Variants in ZNF713 observed in about 807,000 individuals in gnomAD.
The protein encoded by ZNF713 is zinc finger protein 713.
A neutral mutation model predicts 28.7 loss-of-function variants in ZNF713; 21 were observed. The observed-to-expected ratio is 0.73, with a 90% CI of 0.52 to 1.05. The LOEUF is 1.05. Ranked by LOEUF, ZNF713 falls within the 50% of genes least tolerant of loss-of-function variation. The pLI is 0.00. For synonymous variants in ZNF713, 167 were observed against 178.0 expected (o/e 0.94, Z 0.49); for missense variants, 458 against 532.4 (o/e 0.86, Z 1.37).
chr7:55,888,188 A>C (rs972929771), intron 1 of ZNF713, among the ~76,000 whole-genome samples: 1 of 152,088 alleles, frequency 6.6e-6, no homozygotes, highest in African/African-American at 2.4e-5. Context: ...ACGTTTAAAG[A>C]ATTTTTAAAA....
In ZNF713 at chr7:55,919,490, GTTTTTTTTTTTTTTT is replaced by G. The variant is rs55656709; in HGVS notation, c.88-3653_88-3639del. 7.8e-3 allele frequency among the ~76,000 whole-genome samples: 520 copies of G among 66,764 alleles called. 10 individuals carry two copies. The highest frequency in any genetic ancestry group is 0.013 in the South Asian group (25 of 1,918). The allele number at this position is 66,764 out of a possible 152,430, so 43.8% of individuals were successfully genotyped here. A position where few individuals can be genotyped will look rare whatever the true frequency, so the allele number is the denominator to read the frequency against. ...GCTGGATAAATTGGTAAACACTCCAGTTTTTTTTTTTTTTTTTTTTTTTTTTTTTTTTTGAGATGA... is the reference window on the plus strand; with the variant it reads ...GCTGGATAAATTGGTAAACACTCCAGTTTTTTTTTTTTTTTTTTGAGATGA... On this transcript the variant is annotated intron_variant, in intron 4 of 6. Coordinates refer to ENST00000429591, the MANE Select transcript of ZNF713 (RefSeq NM_182633.3).
intron 1 of ZNF713, among the ~76,000 whole-genome samples, chr7:55,905,379 T>C (rs1461957143): frequency 1.3e-5 from 2 of 152,178 alleles, no homozygotes; most frequent in Non-Finnish European, 2.9e-5. Flanking sequence ...TTAGACTCAT[T>C]ACTACACTAG....
chr7:55,903,249 T>C (rs1281858030), intron 1 of ZNF713, among the ~76,000 whole-genome samples: 4 of 152,094 alleles, frequency 2.6e-5, no homozygotes, highest in African/African-American at 9.7e-5. Context: ...GCACTGGACA[T>C]TGAAAATATT....
intron 1 of ZNF713, among the ~76,000 whole-genome samples, chr7:55,892,555 C>CAAAAAAAAAAAAAAAA (rs56338467): frequency 9.4e-5 from 7 of 74,374 alleles, no homozygotes; most frequent in East Asian, 4.7e-4. Context: ...AAGCACTGAC[C>CAAAAAAAAAAAAAAAA]AAAAAAAAAA....
intron 1 of ZNF713, among the ~76,000 whole-genome samples, chr7:55,899,946 G>A (rs992420328): frequency 2.0e-5 from 3 of 151,848 alleles, no homozygotes; most frequent in East Asian, 2.0e-4. Context: ...GCTTCACCAT[G>A]TTGGCCAGGC....
chr7:55,940,776 C>T lies in ZNF713; in HGVS notation c.*770C>T. ...AAGAAAGAAAGCCTATAGGCAACAACTTGTAATTACTCACCTGTAAGTTTT... is the reference window on the plus strand; with the variant it reads ...AAGAAAGAAAGCCTATAGGCAACAATTTGTAATTACTCACCTGTAAGTTTT... On this transcript the variant is annotated 3_prime_UTR_variant, in exon 7 of 7. Coordinates refer to ENST00000429591, the MANE Select transcript of ZNF713 (RefSeq NM_182633.3). The T allele has an allele frequency of 6.8e-6, 1 of 147,688 alleles. No individual in the cohort carries two copies. Among genetic ancestry groups the T allele is most frequent in the Non-Finnish European group, 1.4e-5 (1 of 69,082 alleles). 9.1% of individuals were successfully genotyped at this position (147,688 alleles called of 1,614,324 possible).
chr7:55,930,253 A>G (rs1386505172), intron 6 of ZNF713, among the ~76,000 whole-genome samples: 1 of 152,132 alleles, frequency 6.6e-6, no homozygotes, highest in Admixed American at 6.6e-5. Flanking sequence ...AAGCTGCACA[A>G]ATTATATTTT....
Position 55,909,969 on chromosome 7 carries a change from TTA to T in ZNF713, c.-455-1645_-455-1644del, listed in dbSNP as rs1235626562. 1.1e-4 allele frequency among the ~76,000 whole-genome samples: 16 copies of T among 148,926 alleles called. No homozygotes were observed. In the East Asian group the frequency reaches 1.9e-3, roughly 18 times the overall value. On this transcript the variant is annotated intron_variant, in intron 2 of 6. Coordinates refer to ENST00000429591, the MANE Select transcript of ZNF713 (RefSeq NM_182633.3). Reference sequence around the variant, plus strand: ...TATATATGTGTGTGTATATATACGTTTATGTGTGTGTGTGTGTGTGTGTATAT... The same window carrying T: ...TATATATGTGTGTGTATATATACGTTTGTGTGTGTGTGTGTGTGTGTATAT...
chr7:55,910,407 G>A (rs541163180), intron 2 of ZNF713, among the ~76,000 whole-genome samples: 1 of 152,202 alleles, frequency 6.6e-6, no homozygotes, highest in African/African-American at 2.4e-5. Context: ...TTCCCCATTC[G>A]ATATGATGTT....
In ZNF713 at chr7:55,939,797, T is replaced by C. The variant is rs774155797; in HGVS notation, c.1123T>C (p.Cys375Arg). The C allele has an allele frequency of 1.9e-6, 3 of 1,614,078 alleles. No individual in the cohort carries two copies. In the East Asian group the frequency reaches 6.7e-5, roughly 36 times the overall value. The change falls in exon 7 of 7, where the codon TGT (cysteine) becomes CGT (arginine). Residue 375 changes from cysteine (C) to arginine (R), a missense_variant. Physicochemically the swap from Cys to Arg is radical, Grantham distance 180. Transcript: ENST00000429591. ...TGEKPYECGF[C>R]GKAFSQRTHL... ...AGAGAAACCTTACGAATGTGGTTTC[T>C]GTGGCAAAGCCTTCAGTCAGAGGAC...
intron 6 of ZNF713, among the ~76,000 whole-genome samples, chr7:55,933,636 T>G (rs1006048671): frequency 6.6e-6 from 1 of 152,076 alleles, no homozygotes; most frequent in Admixed American, 6.6e-5. Context: ...CTTATTTGAA[T>G]GTACTGTATT....
At chr7:55,921,183 T>C (rs1271216437) in intron 4 of ZNF713, among the ~76,000 whole-genome samples, 1 of 151,184 alleles carries the variant, frequency 6.6e-6, no homozygotes, top group East Asian at 1.9e-4. Context: ...GAACCACTGC[T>C]CAGGAAAAAA....
intron 2 of ZNF713, among the ~76,000 whole-genome samples, chr7:55,909,776 A>ATAGG (rs1444068662): frequency 6.6e-6 from 1 of 152,092 alleles, no homozygotes; most frequent in Admixed American, 6.6e-5. Flanking sequence ...ATGTATTCCT[A>ATAGG]GGTAATTTTG....
intron 1 of ZNF713, among the ~76,000 whole-genome samples, chr7:55,889,310 C>T (rs1414702602): frequency 1.3e-5 from 2 of 152,218 alleles, no homozygotes; most frequent in East Asian, 3.9e-4. Flanking sequence ...TCATATTGGT[C>T]AGGCTGATCT....
Position 55,911,670 on chromosome 7 carries a change from T to C in ZNF713, c.-401T>C, listed in dbSNP as rs1337830993. ...ATCCTTGCCAGGATGCAGATTTGAATACTATAGTGAAGTCTGTACATGAAG... is the reference window on the plus strand; with the variant it reads ...ATCCTTGCCAGGATGCAGATTTGAACACTATAGTGAAGTCTGTACATGAAG... On this transcript the variant is annotated 5_prime_UTR_variant, in exon 3 of 7. Transcript: ENST00000429591. The C allele has an allele frequency of 6.6e-6, 1 of 152,108 alleles. No individual in the cohort carries two copies. Among genetic ancestry groups the C allele is most frequent in the Non-Finnish European group, 1.5e-5 (1 of 68,026 alleles). 9.4% of individuals were successfully genotyped at this position (152,108 alleles called of 1,614,324 possible).
At chr7:55,900,636 C>G (rs192854356) in intron 1 of ZNF713, among the ~76,000 whole-genome samples, 71 of 152,228 alleles carry the variant, frequency 4.7e-4, no homozygotes, top group African/African-American at 1.4e-3. Context: ...AAAACGTGGA[C>G]TCTAAAAATG....
chr7:55,917,886 C>T (rs1441321515), intron 4 of ZNF713, among the ~76,000 whole-genome samples: 2 of 152,160 alleles, frequency 1.3e-5, no homozygotes, highest in African/African-American at 4.8e-5. Flanking sequence ...ATATTTTCCA[C>T]AAGTATAACA....
intron 1 of ZNF713, among the ~76,000 whole-genome samples, chr7:55,888,333 C>T (rs1485663701): frequency 6.6e-6 from 1 of 152,138 alleles, no homozygotes; most frequent in Non-Finnish European, 1.5e-5. Context: ...ATTGCAGTGA[C>T]ACTTTTATTA....
intron 1 of ZNF713, among the ~76,000 whole-genome samples, chr7:55,905,132 G>T (rs1448888351): frequency 6.6e-6 from 1 of 152,166 alleles, no homozygotes; most frequent in African/African-American, 2.4e-5. Context: ...AAGGGGCGTG[G>T]CCTCCGAAGT....
Sources: gnomAD v4.1 joint callset for allele counts (sites outside exome capture counted in the v4.1 genomes callset) on GRCh38, gnomAD v4.1.1 for gene constraint, MANE v1.5 for transcripts, NCBI Gene and HGNC (gene_info 2026-07-23, HGNC 2026-07-21) for gene names.